The following VWF variants were observed in gnomAD, a reference collection of about 807,000 sequenced individuals.
VWF encodes the protein von Willebrand factor, also known as Factor VIII related antigen.
A neutral mutation model predicts 308.6 loss-of-function variants in VWF; 176 were observed. The observed-to-expected ratio is 0.57, with a 90% CI of 0.50 to 0.65. The LOEUF is 0.65. Ranked by LOEUF, VWF falls within the 30% of genes least tolerant of loss-of-function variation. VWF has a pLI of 0.00. For missense variants in VWF, 3,146 were observed against 3,648.2 expected (o/e 0.86, Z 3.55); for synonymous variants, 1,385 against 1,443.4 (o/e 0.96, Z 0.92).
chr12:5,965,225 T>A (rs1485886915), intron 47 of VWF, among the ~76,000 whole-genome samples: 1 of 152,178 alleles, frequency 6.6e-6, no homozygotes, highest in Non-Finnish European at 1.5e-5. Flanking sequence ...AGTTCACTTG[T>A]TTAGGTCTGA....
At chr12:6,050,516 CCT>C (rs1944496607) in intron 16 of VWF, among the ~76,000 whole-genome samples, 1 of 152,222 alleles carries the variant, frequency 6.6e-6, no homozygotes, top group Non-Finnish European at 1.5e-5. Context: ...GTGCTCACCC[CCT>C]CACTTCTGAA....
intron 43 of VWF, among the ~76,000 whole-genome samples, chr12:5,972,870 CA>C (rs1487247900): frequency 6.6e-6 from 1 of 152,158 alleles, no homozygotes; most frequent in Non-Finnish European, 1.5e-5. Context: ...AACAAGGTCT[CA>C]GGGGGTCAGA....
chr12:6,057,825 T>G, intron 14 of VWF, 24 bp downstream of exon 14: 1 of 1,591,034 alleles, frequency 6.3e-7, no homozygotes, highest in South Asian at 1.1e-5. Context: ...GCGAGGTCCC[T>G]GCCTTGCCCC....
chr12:5,961,887 T>C (rs1943321818), intron 47 of VWF, among the ~76,000 whole-genome samples: 2 of 151,912 alleles, frequency 1.3e-5, no homozygotes, highest in Non-Finnish European at 2.9e-5. Flanking sequence ...TCCCAACTGA[T>C]GATATTAAGA....
At chr12:6,053,428 C>A (rs1254412643) in intron 15 of VWF, among the ~76,000 whole-genome samples, 1 of 152,150 alleles carries the variant, frequency 6.6e-6, no homozygotes, top group African/African-American at 2.4e-5. Context: ...TGCTCATAAC[C>A]CTTACTCTCT....
At chr12:5,974,776 T>C (rs1943514337) in intron 43 of VWF, among the ~76,000 whole-genome samples, 1 of 152,216 alleles carries the variant, frequency 6.6e-6, no homozygotes, top group Admixed American at 6.5e-5. Context: ...TACCGGCTCT[T>C]AGGACAAATG....
At chr12:6,082,029 C>T (rs1944917516) in intron 6 of VWF, among the ~76,000 whole-genome samples, 1 of 151,794 alleles carries the variant, frequency 6.6e-6, no homozygotes, top group African/African-American at 2.4e-5. Flanking sequence ...TGCAGTGGCA[C>T]AATCTCGGCT....
At chr12:5,980,399 G>T (rs1943592421) in intron 42 of VWF, among the ~76,000 whole-genome samples, 1 of 152,124 alleles carries the variant, frequency 6.6e-6, no homozygotes, top group African/African-American at 2.4e-5. Flanking sequence ...TAGTCTACTG[G>T]AAATACAGGG....
At chr12:6,004,071 G>A (rs1943902389) in intron 34 of VWF, among the ~76,000 whole-genome samples, 2 of 151,640 alleles carry the variant, frequency 1.3e-5, no homozygotes, top group Non-Finnish European at 2.9e-5. Context: ...TAATGTCACT[G>A]GATATATACT....
Position 5,987,383 on chromosome 12 carries a change from T to C in VWF, c.6799-1718A>G, listed in dbSNP as rs144559641. ...AAGTAGTAGTATCTATATTTACAAA[T>C]AATGAAACTGAGACACCAAGAAGTT... is the stretch of plus-strand genomic sequence containing the variant. On this transcript the variant is annotated intron_variant, in intron 38 of 51. Transcript: ENST00000261405. Among the ~76,000 whole-genome samples, 632 of 152,356 alleles carry C rather than the reference T, an allele frequency of 4.1e-3. 17 individuals are homozygous for C. The East Asian group carries it at 0.071, about 17-fold the overall frequency.
Position 5,993,932 on chromosome 12 carries a change from C to T in VWF, c.6528G>A (p.Val2176=). Residue 2176 remains valine, a synonymous_variant, in exon 37 of 52, where the codon GTG becomes GTA. Transcript: ENST00000261405. Reference sequence around the variant, plus strand: ...GACAGAGGTGGGCATAAGAGGCGATCACCTCACACACTTGCTCCTGGTGGC... The same window carrying T: ...GACAGAGGTGGGCATAAGAGGCGATTACCTCACACACTTGCTCCTGGTGGC... The part of the protein sequence containing the change: ...DSCHQEQVCE[V]IASYAHLCRT... 1 of 1,614,084 alleles carries T rather than the reference C, an allele frequency of 6.2e-7. No homozygotes were observed. The highest frequency in any genetic ancestry group is 8.5e-7 in the Non-Finnish European group (1 of 1,180,036).
At position 5,994,157 on chromosome 12, in the gene VWF, G is replaced by T. The variant is rs115914543; in HGVS notation, c.6303C>A (p.Gly2101=). Residue 2101 remains glycine (G), a synonymous_variant, in exon 37 of 52, where the codon GGC becomes GGA. Coordinates refer to ENST00000261405, the MANE Select transcript of VWF (RefSeq NM_000552.5). ...NGANDFMLRD[G]TVTTDWKTLV... is the part of the protein sequence containing the mutation. ...GTGTTTTCCAGTCTGTGGTGACTGT[G>T]CCATCCCTCAGCATGAAGTCATTGG... The T allele has an allele frequency of 3.3e-4, 534 of 1,614,158 alleles. 2 individuals carry two copies. In the African/African-American group the frequency reaches 3.8e-3, roughly 12 times the overall value.
intron 15 of VWF, among the ~76,000 whole-genome samples, chr12:6,053,429 C>A (rs527635563): frequency 6.6e-6 from 1 of 152,312 alleles, no homozygotes; most frequent in South Asian, 2.1e-4. Flanking sequence ...GCTCATAACC[C>A]TTACTCTCTA....
At position 6,065,381 on chromosome 12, in the gene VWF, T is replaced by C. The variant is rs570592123; in HGVS notation, c.1157-108A>G. ...CAGGGTGCCCTTCCCCAAAACTGCA[T>C]GGACGTCCTTTGCCCAAACCAGTCT... On this transcript the variant is annotated intron_variant, in intron 10 of 51. Transcript: ENST00000261405. 68 of 1,426,260 alleles carry C rather than the reference T, an allele frequency of 4.8e-5. No individual in the cohort carries two copies. In the South Asian group the frequency reaches 6.1e-4, roughly 13 times the overall value. The allele number at this position is 1,426,260 out of a possible 1,614,324, so 88.4% of individuals were successfully genotyped here. A position where few individuals can be genotyped will look rare whatever the true frequency, so the allele number is the denominator to read the frequency against.
intron 20 of VWF, among the ~76,000 whole-genome samples, chr12:6,033,277 G>T (rs1944293214): frequency 6.6e-6 from 1 of 152,234 alleles, no homozygotes; most frequent in Non-Finnish European, 1.5e-5. Flanking sequence ...GAGGATGGCA[G>T]AAAGGGGAGG....
chr12:5,975,655 G>A (rs1372575913), intron 43 of VWF, among the ~76,000 whole-genome samples: 2 of 152,198 alleles, frequency 1.3e-5, no homozygotes, highest in East Asian at 3.9e-4. Context: ...AGGGACAGGC[G>A]AAGGTGATAC....
intron 5 of VWF, among the ~76,000 whole-genome samples, chr12:6,110,131 C>T (rs1168134833): frequency 6.6e-6 from 1 of 152,192 alleles, no homozygotes; most frequent in African/African-American, 2.4e-5. Flanking sequence ...CCATCTGCCA[C>T]GTGCAAGTTG....
intron 43 of VWF, among the ~76,000 whole-genome samples, chr12:5,974,991 T>C (rs1943517555): frequency 6.6e-6 from 1 of 152,236 alleles, no homozygotes; most frequent in Non-Finnish European, 1.5e-5. Context: ...GCACTCTCTT[T>C]ATTTGACAGC....
intron 43 of VWF, among the ~76,000 whole-genome samples, chr12:5,974,881 T>C (rs915826254): frequency 2.0e-5 from 3 of 152,180 alleles, no homozygotes; most frequent in Admixed American, 1.3e-4. Flanking sequence ...TCCCCTTTTA[T>C]TGTAGCTAGC....
Sources: allele counts gnomAD v4.1 joint callset (sites outside exome capture counted in the v4.1 genomes callset), GRCh38; gene constraint gnomAD v4.1.1; transcripts MANE v1.5; gene names NCBI Gene and HGNC (gene_info 2026-07-23, HGNC 2026-07-21).